NIBAN1: variants seen among roughly 807,000 people sequenced by gnomAD.
NIBAN1 encodes protein Niban 1.
A neutral mutation model predicts 75.1 loss-of-function variants in NIBAN1; 81 were observed. That is an observed-to-expected ratio of 1.08 (90% CI 0.90 to 1.30). The LOEUF is 1.30. Among genes scored for constraint, NIBAN1 ranks in the 50% most tolerant of loss-of-function variants. The pLI, the probability that NIBAN1 is intolerant of heterozygous loss-of-function variation, is 0.00. For missense variants in NIBAN1, 1,133 were observed against 1,128.1 expected (o/e 1.00, Z -0.06); for synonymous variants, 436 against 424.8 (o/e 1.03, Z -0.32).
At chr1:184,818,994 A>G (rs565556046) in intron 8 of NIBAN1, among the ~76,000 whole-genome samples, 169 bp from the exon 9 acceptor site, 34 of 152,278 alleles carry the variant, frequency 2.2e-4, no homozygotes, top group Admixed American at 2.2e-3. Flanking sequence ...TGGTCACAAG[A>G]AAGGAAAACC....
chr1:184,854,423 G>T (rs1398308754), intron 5 of NIBAN1, among the ~76,000 whole-genome samples: 1 of 152,160 alleles, frequency 6.6e-6, no homozygotes, highest in Admixed American at 6.5e-5. Context: ...AACAATCCCA[G>T]GATCGGAATA....
At chr1:184,954,321 G>A (rs1280195683) in intron 1 of NIBAN1, among the ~76,000 whole-genome samples, 3 of 152,148 alleles carry the variant, frequency 2.0e-5, no homozygotes, top group South Asian at 2.1e-4. Flanking sequence ...TGCTATCCAC[G>A]GTGCCACCTC....
At chr1:184,800,524 T>C (rs1381898700) in intron 12 of NIBAN1, among the ~76,000 whole-genome samples, 1 of 151,472 alleles carries the variant, frequency 6.6e-6, no homozygotes, top group Non-Finnish European at 1.5e-5. Flanking sequence ...CTTTAATCCA[T>C]CTTGAATTGA....
intron 5 of NIBAN1, among the ~76,000 whole-genome samples, chr1:184,880,974 G>A (rs996100357): frequency 2.2e-4 from 33 of 152,268 alleles, no homozygotes; most frequent in African/African-American, 7.7e-4. Context: ...TTGACATTTA[G>A]TCCAGTGAGG....
At chr1:184,883,608 G>A (rs1173575417) in intron 5 of NIBAN1, among the ~76,000 whole-genome samples, 1 of 152,222 alleles carries the variant, frequency 6.6e-6, no homozygotes, top group African/African-American at 2.4e-5. Flanking sequence ...CATTGCTTAA[G>A]TCCATGCCTG....
chr1:184,884,680 T>C lies in NIBAN1; in HGVS notation c.554A>G (p.Lys185Arg), dbSNP rs770574051. Residue 185 changes from lysine (K) to arginine (R), a missense_variant, in exon 5 of 14, where the codon AAG (lysine) becomes AGG (arginine). Physicochemically the swap from Lys to Arg is conservative, Grantham distance 26 (BLOSUM62 2). Coordinates refer to ENST00000367511, the MANE Select transcript of NIBAN1 (RefSeq NM_052966.4). ...YFCFHEAADQ[K>R]RFSALLSDCV... ...GTCACTCAGGAGGGCACTAAACCTC[T>C]TCTGGTCAGCAGCCTCGTGGAAGCA... 5 of 1,614,056 alleles carry C rather than the reference T, an allele frequency of 3.1e-6. No individual in the cohort carries two copies. The Admixed American group carries it at 8.3e-5, about 27-fold the overall frequency.
intron 1 of NIBAN1, among the ~76,000 whole-genome samples, chr1:184,909,546 G>C (rs997935049): frequency 6.6e-6 from 1 of 152,138 alleles, no homozygotes; most frequent in Non-Finnish European, 1.5e-5. Flanking sequence ...CTAGGCTTGG[G>C]AGGGTCCAGG....
chr1:184,887,767 T>G (rs776735373), intron 4 of NIBAN1: 4 of 152,230 alleles, frequency 2.6e-5, no homozygotes, highest in Non-Finnish European at 5.9e-5. Flanking sequence ...AGTTTTTTAT[T>G]GTATGCAGTA....
intron 4 of NIBAN1, among the ~76,000 whole-genome samples, chr1:184,886,198 A>C (rs1047351726): frequency 6.6e-5 from 10 of 152,324 alleles, no homozygotes; most frequent in Admixed American, 6.5e-4. Context: ...CTGCCACCAG[A>C]GACAGAGTTA....
intron 5 of NIBAN1, chr1:184,868,223 G>A (rs1456764249): frequency 4.7e-6 from 1 of 212,626 alleles, no homozygotes; most frequent in African/African-American, 2.4e-5. Flanking sequence ...CTTGCAATAT[G>A]ATTTGTGGTC....
Position 184,879,800 on chromosome 1 carries a change from A to C in NIBAN1, c.601+4833T>G, listed in dbSNP as rs552815281. Reference sequence around the variant, plus strand: ...GACAGAGTAACCAATTCCAACACATAATCACTGTTATAGCTCCACATTCCA... The same window carrying C: ...GACAGAGTAACCAATTCCAACACATCATCACTGTTATAGCTCCACATTCCA... On this transcript the variant is annotated intron_variant, in intron 5 of 13. Coordinates refer to ENST00000367511, the MANE Select transcript of NIBAN1 (RefSeq NM_052966.4). 2.6e-5 allele frequency among the ~76,000 whole-genome samples: 4 copies of C among 152,344 alleles called. No individual in the cohort carries two copies. The East Asian group carries it at 7.7e-4, about 29-fold the overall frequency.
intron 5 of NIBAN1, among the ~76,000 whole-genome samples, chr1:184,852,204 A>C (rs1655559822): frequency 6.6e-6 from 1 of 152,180 alleles, no homozygotes; most frequent in African/African-American, 2.4e-5. Flanking sequence ...CTCAGAAGAG[A>C]TCTCCACTGC....
chr1:184,856,126 C>T (rs1655669910), intron 5 of NIBAN1, among the ~76,000 whole-genome samples: 1 of 152,134 alleles, frequency 6.6e-6, no homozygotes. Flanking sequence ...GCTGAATCCA[C>T]AAGTCTAGAA....
rs1300002997 is a variant in NIBAN1 at position 184,876,073 on chromosome 1, T to C, written c.601+8560A>G. 4.7e-5 allele frequency among the ~76,000 whole-genome samples: 7 copies of C among 149,658 alleles called. No homozygotes were observed. The East Asian group carries it at 1.2e-3, about 26-fold the overall frequency. ...CTGTAATCCCAGCTACTCAGAAGGC[T>C]GAGGCAGGAGAATCGCTTGAACCTG... On this transcript the variant is annotated intron_variant, in intron 5 of 13. Coordinates refer to ENST00000367511, the MANE Select transcript of NIBAN1 (RefSeq NM_052966.4).
At chr1:184,971,361 G>A (rs912703131) in intron 1 of NIBAN1, among the ~76,000 whole-genome samples, 1 of 150,722 alleles carries the variant, frequency 6.6e-6, no homozygotes, top group African/African-American at 2.4e-5. Flanking sequence ...TGGAATCTAT[G>A]AGCTTTCTTC....
chr1:184,796,476 C>T (rs1653872056), intron 13 of NIBAN1, among the ~76,000 whole-genome samples: 1 of 152,202 alleles, frequency 6.6e-6, no homozygotes, highest in Admixed American at 6.5e-5. Flanking sequence ...TCCACCTGGA[C>T]TGAAATCCTC....
intron 5 of NIBAN1, among the ~76,000 whole-genome samples, chr1:184,856,960 T>C (rs1320106950): frequency 6.6e-6 from 1 of 152,118 alleles, no homozygotes; most frequent in African/African-American, 2.4e-5. Context: ...CTGTGGCAGG[T>C]GGCAGGTTCT....
At chr1:184,824,610 TGACGATGCTG>T (rs1204524441) in intron 6 of NIBAN1, among the ~76,000 whole-genome samples, 1 of 152,174 alleles carries the variant, frequency 6.6e-6, no homozygotes, top group East Asian at 1.9e-4. Context: ...CACAGAAAGC[TGACGATGCTG>T]GAGATGCCAG....
chr1:184,931,887 C>T (rs1657833986), intron 1 of NIBAN1, among the ~76,000 whole-genome samples: 1 of 152,200 alleles, frequency 6.6e-6, no homozygotes, highest in South Asian at 2.1e-4. Context: ...TAGTGGTGTA[C>T]TTTCAACTGA....
Sources: gnomAD v4.1 joint callset for allele counts (sites outside exome capture counted in the v4.1 genomes callset) on GRCh38, gnomAD v4.1.1 for gene constraint, MANE v1.5 for transcripts, NCBI Gene and HGNC (gene_info 2026-07-23, HGNC 2026-07-21) for gene names.